Variants in TDRD9 observed in about 807,000 individuals in gnomAD.
TDRD9 encodes the protein ATP-dependent RNA helicase TDRD9.
Under a neutral mutation model 172.6 loss-of-function variants are expected in TDRD9, and 124 were observed. The observed-to-expected ratio is 0.72, with a 90% CI of 0.62 to 0.83. The LOEUF is 0.83. Among genes scored for constraint, TDRD9 ranks in the 40% least tolerant of loss-of-function variants. The pLI, the probability that TDRD9 is intolerant of heterozygous loss-of-function variation, is 0.00. For missense variants in TDRD9, 1,479 were observed against 1,714.1 expected (o/e 0.86, Z 2.42); for synonymous variants, 619 against 617.1 (o/e 1.00, Z -0.05).
chr14:103,939,747 T>TTTTTTTTTTTTG (rs2031087181), intron 1 of TDRD9: 1 of 103,430 alleles, frequency 9.7e-6, no homozygotes, highest in Non-Finnish European at 2.1e-5. Context: ...AAAAGTGTTT[T>TTTTTTTTTTTTG]TTTTTTTTTT....
intron 34 of TDRD9, among the ~76,000 whole-genome samples, chr14:104,045,068 A>C (rs2035726172): frequency 6.6e-6 from 1 of 151,954 alleles, no homozygotes. Context: ...GCTTGAACCC[A>C]GGAGGCGGAG....
intron 1 of TDRD9, 196 bp downstream of exon 1, chr14:103,928,920 A>T (rs2152111177): frequency 1.1e-4 from 18 of 165,256 alleles, no homozygotes; most frequent in East Asian, 4.3e-4. Context: ...AAGCTGAGCT[A>T]GAGGTTTTTT....
chr14:104,016,704 AC>A (rs1214054267), intron 22 of TDRD9, among the ~76,000 whole-genome samples: 1 of 152,128 alleles, frequency 6.6e-6, no homozygotes, highest in Non-Finnish European at 1.5e-5. Flanking sequence ...CAGCAGGGAG[AC>A]TCACACTGGA....
chr14:103,965,153 A>G (rs1293045874), intron 3 of TDRD9, among the ~76,000 whole-genome samples, 180 bp from the exon 4 acceptor site: 4 of 152,106 alleles, frequency 2.6e-5, no homozygotes, highest in African/African-American at 9.7e-5. Context: ...CAGAGGTTGC[A>G]GTGAGCCGAG....
chr14:104,016,610 G>A (rs373647986), intron 22 of TDRD9, among the ~76,000 whole-genome samples: 1 of 152,144 alleles, frequency 6.6e-6, no homozygotes, highest in African/African-American at 2.4e-5. Context: ...CATTCAAGTA[G>A]TGTGTACTTT....
At chr14:104,002,732 C>CTT (rs200744019) in intron 13 of TDRD9, among the ~76,000 whole-genome samples, 1 of 146,816 alleles carries the variant, frequency 6.8e-6, no homozygotes, top group Non-Finnish European at 1.5e-5. Context: ...CTTTTCTTTT[C>CTT]TTTTTTTTTT....
intron 11 of TDRD9, 124 bp downstream of exon 11, chr14:103,994,727 G>C: frequency 1.4e-6 from 1 of 708,714 alleles, no homozygotes; most frequent in South Asian, 1.9e-5. Context: ...GTGAGAGGCT[G>C]AGGTGGGTGA....
intron 11 of TDRD9, 91 bp from the exon 12 acceptor site, chr14:103,995,659 C>A: frequency 2.6e-6 from 3 of 1,154,652 alleles, no homozygotes; most frequent in Non-Finnish European, 3.6e-6. Context: ...CATTCAGAAG[C>A]TTTAAAATAA....
At position 103,963,115 on chromosome 14, in the gene TDRD9, C is replaced by G. The variant is rs1382499856; in HGVS notation, c.359C>G (p.Thr120Arg). ...TCTTTGGCTAAATTAAGCAGTGTGA[C>G]ATGCATCCCAGGGACAACTTATAAA... ...RPSLAKLSSVTCIPGTTYKYP... is the reference protein window; with the variant it reads ...RPSLAKLSSVRCIPGTTYKYP... Residue 120 changes from threonine to arginine, a missense_variant, in exon 3 of 36, where the codon ACA (threonine) becomes AGA (arginine). This residue lies in a region of TDRD9 where 1,413 missense variants were observed against 1,649.1 expected (regional missense o/e 0.86). Transcript: ENST00000409874. The G allele has an allele frequency of 1.3e-6, 2 of 1,549,548 alleles. No homozygotes were observed. Among genetic ancestry groups the G allele is most frequent in the Non-Finnish European group, 1.7e-6 (2 of 1,146,028 alleles).
intron 35 of TDRD9, 130 bp downstream of exon 35, chr14:104,049,810 G>T (rs1172628173): frequency 7.2e-6 from 5 of 690,974 alleles, no homozygotes; most frequent in Non-Finnish European, 1.2e-5. Flanking sequence ...CAAAGTGGAT[G>T]GCTTTGGGGG....
intron 2 of TDRD9, among the ~76,000 whole-genome samples, chr14:103,958,098 C>T (rs2032333292): frequency 6.6e-6 from 1 of 152,118 alleles, no homozygotes; most frequent in African/African-American, 2.4e-5. Context: ...AAGACTTTAA[C>T]TCTGATCATC....
chr14:103,982,271 C>A (rs977739143), intron 7 of TDRD9, among the ~76,000 whole-genome samples: 52 of 152,214 alleles, frequency 3.4e-4, no homozygotes, highest in Admixed American at 2.0e-3. Context: ...AGGTCTCAGG[C>A]TGCTCTCCAG....
At chr14:103,932,252 G>A (rs1300560091) in intron 1 of TDRD9, among the ~76,000 whole-genome samples, 1 of 152,212 alleles carries the variant, frequency 6.6e-6, no homozygotes, top group African/African-American at 2.4e-5. Context: ...ATTGGGGTGA[G>A]CCGACCTGTG....
At chr14:103,987,155 CACACACA>C (rs2033700180) in intron 8 of TDRD9, among the ~76,000 whole-genome samples, 2 of 151,782 alleles carry the variant, frequency 1.3e-5, no homozygotes. Flanking sequence ...CACACACACA[CACACACA>C]CCATATGATT....
chr14:104,040,453 G>C lies in TDRD9; in HGVS notation c.3855+119G>C, dbSNP rs992058481. On this transcript the variant is annotated intron_variant, in intron 33 of 35. Transcript: ENST00000409874. ...GTGCAGACACACACCTCTGGTCCTG[G>C]AGATGTGCACGTTCCTTGTCCCTCC... The C allele has an allele frequency of 3.5e-6, 4 of 1,142,342 alleles. No homozygotes were observed. In the African/African-American group the frequency reaches 4.7e-5, roughly 14 times the overall value. The allele number at this position is 1,142,342 out of a possible 1,614,324, so 70.8% of individuals were successfully genotyped here.
chr14:103,985,265 C>T (rs956589777), intron 7 of TDRD9, among the ~76,000 whole-genome samples: 4 of 152,246 alleles, frequency 2.6e-5, no homozygotes, highest in Admixed American at 6.5e-5. Flanking sequence ...ACCGAAATCT[C>T]ATTTTGAAAT....
chr14:104,025,990 C>A, intron 26 of TDRD9, 57 bp from the exon 27 acceptor site: 1 of 1,174,726 alleles, frequency 8.5e-7, no homozygotes, highest in Non-Finnish European at 1.3e-6. Flanking sequence ...TGCTATTGCT[C>A]AGGTAGGGCA....
Position 104,015,971 on chromosome 14 carries a change from TC to T in TDRD9, c.2224-9del, listed in dbSNP as rs1305106511. On this transcript the variant is annotated splice_polypyrimidine_tract_variant and intron_variant, in intron 21 of 35. Coordinates refer to ENST00000409874, the MANE Select transcript of TDRD9 (RefSeq NM_153046.3). ...TGCTGTTACTTCATGAAAATAAATT[TC>T]TTTTTCAGGTTGTATTGGCAGGTGC... is the stretch of plus-strand genomic sequence containing the variant. 2 of 1,561,120 alleles carry T rather than the reference TC, an allele frequency of 1.3e-6. No individual in the cohort carries two copies. Among genetic ancestry groups the T allele is most frequent in the Admixed American group, 1.9e-5 (1 of 53,368 alleles).
At chr14:103,968,856 T>G (rs1275940366) in intron 5 of TDRD9, among the ~76,000 whole-genome samples, 2 of 147,174 alleles carry the variant, frequency 1.4e-5, no homozygotes, top group Admixed American at 1.4e-4. Context: ...ATCTCAGCAC[T>G]TTGGGAGGCC....
Sources: gnomAD v4.1 joint callset for allele counts (sites outside exome capture counted in the v4.1 genomes callset) on GRCh38, gnomAD v4.1.1 for gene constraint, gnomAD v4.1.1 regional missense constraint, MANE v1.5 for transcripts, NCBI Gene and HGNC (gene_info 2026-07-23, HGNC 2026-07-21) for gene names.